Variants in ASCC3 observed in about 807,000 individuals in gnomAD.
ASCC3 encodes the protein ASC-1 complex subunit P200.
In ASCC3, 158 loss-of-function variants were observed where a neutral mutation model predicts 256.3. The ratio of observed to expected loss-of-function variants is 0.62; its 90% CI spans 0.54 to 0.70. ASCC3 has a LOEUF of 0.70. ASCC3 is among the 30% of genes least tolerant of loss of function. ASCC3 has a pLI of 0.00. For synonymous variants in ASCC3, 948 were observed against 883.4 expected (o/e 1.07, Z -1.30); for missense variants, 2,259 against 2,626.0 (o/e 0.86, Z 3.05).
At chr6:100,861,478 A>G (rs915375559) in intron 3 of ASCC3, among the ~76,000 whole-genome samples, 1 of 152,122 alleles carries the variant, frequency 6.6e-6, no homozygotes, top group Admixed American at 6.6e-5. Context: ...AATATAAGAG[A>G]AATGACAGGG....
Position 100,857,560 on chromosome 6 carries a change from T to C in ASCC3, c.241+6504A>G, listed in dbSNP as rs566691481. 3 of 152,016 alleles carry C rather than the reference T, an allele frequency of 2.0e-5. 1 individual carries two copies. Among genetic ancestry groups the C allele is most frequent in the Non-Finnish European group, 4.4e-5 (3 of 67,912 alleles). 9.4% of individuals were successfully genotyped at this position (152,016 alleles called of 1,614,324 possible). ...AAAATTATTTGTAAAATAGGTACTTTTTTTCATCTGTATATGCAGTTGACC... is the reference window on the plus strand; with the variant it reads ...AAAATTATTTGTAAAATAGGTACTTCTTTTCATCTGTATATGCAGTTGACC... On this transcript the variant is annotated intron_variant, in intron 3 of 41. Coordinates refer to ENST00000369162, the MANE Select transcript of ASCC3 (RefSeq NM_006828.4).
intron 4 of ASCC3, among the ~76,000 whole-genome samples, chr6:100,837,494 T>C (rs992172059): frequency 1.3e-5 from 2 of 152,034 alleles, no homozygotes; most frequent in South Asian, 2.1e-4. Flanking sequence ...TAAGCATCCA[T>C]CAACAGATGA....
intron 13 of ASCC3, among the ~76,000 whole-genome samples, chr6:100,694,738 C>T (rs1778003706): frequency 6.6e-6 from 1 of 152,010 alleles, no homozygotes; most frequent in Non-Finnish European, 1.5e-5. Context: ...GATTGTAACA[C>T]TTTCAAGATG....
At chr6:100,581,328 G>C (rs2114748108) in intron 36 of ASCC3, among the ~76,000 whole-genome samples, 1 of 152,150 alleles carries the variant, frequency 6.6e-6, no homozygotes, top group Admixed American at 6.5e-5. Flanking sequence ...TTCTCTGATG[G>C]CCAGTGATGG....
chr6:100,650,723 A>G lies in ASCC3; in HGVS notation c.3076-9T>C. ...ATTTCCTCTTCTCTGACCTAGAAGA[A>G]TCAATGTATTTATTGGAATTTTGGG... On this transcript the variant is annotated splice_polypyrimidine_tract_variant and intron_variant, in intron 19 of 41. Coordinates refer to ENST00000369162, the MANE Select transcript of ASCC3 (RefSeq NM_006828.4). The G allele has an allele frequency of 6.2e-7, 1 of 1,601,160 alleles. No homozygotes were observed. Among genetic ancestry groups the G allele is most frequent in the Non-Finnish European group, 8.6e-7 (1 of 1,169,560 alleles).
chr6:100,859,215 AGCCCAAAT>A (rs1438063268), intron 3 of ASCC3: 7 of 779,654 alleles, frequency 9.0e-6, no homozygotes, highest in Non-Finnish European at 1.7e-5. Flanking sequence ...AGGAAAAAGT[AGCCCAAAT>A]GCCAGGATCA....
intron 22 of ASCC3, among the ~76,000 whole-genome samples, chr6:100,645,326 T>C (rs1051748522): frequency 2.5e-4 from 38 of 151,842 alleles, no homozygotes; most frequent in African/African-American, 9.2e-4. Flanking sequence ...TATCATCTAG[T>C]CCCAATGAAA....
intron 13 of ASCC3, among the ~76,000 whole-genome samples, chr6:100,683,733 T>C (rs1777420752): frequency 1.3e-5 from 2 of 152,172 alleles, no homozygotes; most frequent in South Asian, 4.1e-4. Flanking sequence ...TCAATAATGA[T>C]GGCAAATTCA....
At chr6:100,634,864 C>CAAAAAAAAAAAAAAAAAAAAAA (rs199632200) in intron 25 of ASCC3, among the ~76,000 whole-genome samples, 2 of 119,288 alleles carry the variant, frequency 1.7e-5, no homozygotes, top group Non-Finnish European at 1.7e-5. Context: ...CCTCAAAAAA[C>CAAAAAAAAAAAAAAAAAAAAAA]AAAAAAAAAA....
At chr6:100,516,042 A>AT (rs1774008252) in intron 39 of ASCC3, 138 bp downstream of exon 39, 3 of 1,045,766 alleles carry the variant, frequency 2.9e-6, no homozygotes, top group Non-Finnish European at 4.5e-6. Context: ...TTTCATGTTC[A>AT]TAATCATAGT....
chr6:100,589,941 G>C lies in ASCC3; in HGVS notation c.5415+7C>G, dbSNP rs1771915657. 1 of 1,606,110 alleles carries C rather than the reference G, an allele frequency of 6.2e-7. No individual in the cohort carries two copies. Among genetic ancestry groups the C allele is most frequent in the Non-Finnish European group, 8.5e-7 (1 of 1,172,960 alleles). ...TTTCAATTAGAATGCATATGACTAAGTCATACCTCTCCAATTTCAATACAG... is the reference window on the plus strand; with the variant it reads ...TTTCAATTAGAATGCATATGACTAACTCATACCTCTCCAATTTCAATACAG... On this transcript the variant is annotated splice_region_variant and intron_variant, in intron 35 of 41. Coordinates refer to ENST00000369162, the MANE Select transcript of ASCC3 (RefSeq NM_006828.4).
chr6:100,654,843 A>G (rs1775837953), intron 17 of ASCC3, among the ~76,000 whole-genome samples: 1 of 151,994 alleles, frequency 6.6e-6, no homozygotes, highest in Non-Finnish European at 1.5e-5. Flanking sequence ...CCATGGTAAA[A>G]TCTACTGCAT....
chr6:100,771,227 C>T (rs572739892), intron 8 of ASCC3, among the ~76,000 whole-genome samples: 2 of 151,962 alleles, frequency 1.3e-5, no homozygotes, highest in African/African-American at 2.4e-5. Flanking sequence ...TGGATATACA[C>T]GTTAAAAAAA....
intron 16 of ASCC3, among the ~76,000 whole-genome samples, chr6:100,657,942 T>C (rs766450583): frequency 1.3e-5 from 2 of 151,534 alleles, no homozygotes; most frequent in African/African-American, 2.4e-5. Flanking sequence ...AGGAACCTTT[T>C]ATAAAACAGG....
intron 37 of ASCC3, chr6:100,530,711 A>C: frequency 1.1e-6 from 1 of 947,086 alleles, no homozygotes; most frequent in South Asian, 1.3e-5. Flanking sequence ...CCAAGATGTA[A>C]CAAGAATTGA....
intron 4 of ASCC3, among the ~76,000 whole-genome samples, chr6:100,825,553 A>G (rs912110371): frequency 1.3e-5 from 2 of 152,020 alleles, no homozygotes; most frequent in African/African-American, 4.8e-5. Flanking sequence ...CATCATTTCA[A>G]CCTTGGTGAA....
intron 10 of ASCC3, among the ~76,000 whole-genome samples, chr6:100,754,029 T>G (rs1219349551): frequency 1.3e-5 from 2 of 152,194 alleles, no homozygotes; most frequent in Non-Finnish European, 2.9e-5. Context: ...TCCTACTATT[T>G]AACTATTCAA....
At chr6:100,800,267 C>A (rs768506634) in intron 6 of ASCC3, 33 bp downstream of exon 6, 1 of 1,603,140 alleles carries the variant, frequency 6.2e-7, no homozygotes, top group Non-Finnish European at 8.5e-7. Flanking sequence ...GCAATTACAA[C>A]ACAAGCATTT....
At chr6:100,860,140 T>TAGTCTC (rs1454394131) in intron 3 of ASCC3, among the ~76,000 whole-genome samples, 1 of 152,014 alleles carries the variant, frequency 6.6e-6, no homozygotes, top group Non-Finnish European at 1.5e-5. Context: ...TACTGATTAC[T>TAGTCTC]AGTCTCAGTC....
Sources: allele counts gnomAD v4.1 joint callset (sites outside exome capture counted in the v4.1 genomes callset), GRCh38; gene constraint gnomAD v4.1.1; transcripts MANE v1.5; gene names NCBI Gene and HGNC (gene_info 2026-07-23, HGNC 2026-07-21).